The following TLN2 variants were observed in gnomAD, a reference collection of about 807,000 sequenced individuals.
TLN2 encodes the protein talin 2.
A neutral mutation model predicts 294.7 loss-of-function variants in TLN2; 118 were observed. That is an observed-to-expected ratio of 0.40 (90% CI 0.34 to 0.47). The LOEUF (loss-of-function observed/expected upper bound fraction) is 0.47, where lower values mean the gene tolerates loss of function less well. Among genes scored for constraint, TLN2 ranks in the 20% least tolerant of loss-of-function variants. The pLI is 0.84. For missense variants in TLN2, 3,083 were observed against 3,282.2 expected, an observed-to-expected ratio of 0.94 and a Z score of 1.48; for synonymous variants, 1,431 against 1,304.5, an observed-to-expected ratio of 1.10 and a Z score of -2.09.
rs554208366 is a variant in TLN2, at chr15:62,785,161, G to A, written c.5736+1271G>A. Among the ~76,000 whole-genome samples the A allele has an allele frequency of 1.5e-4, 23 of 152,294 alleles. No homozygotes were observed. In the East Asian group the frequency reaches 4.4e-3, roughly 29 times the overall value. Reference sequence around the variant, plus strand: ...ATGAATAATTCTATTTGCAATGAGTGTGAAGTCACTACCAAGAAAAGAGAG... The same window carrying A: ...ATGAATAATTCTATTTGCAATGAGTATGAAGTCACTACCAAGAAAAGAGAG... On this transcript the variant is annotated intron_variant, in intron 45 of 58. Coordinates refer to ENST00000636159, the MANE Select transcript of TLN2 (RefSeq NM_015059.3).
At chr15:62,470,217 C>T (rs2037387809) in intron 1 of TLN2, among the ~76,000 whole-genome samples, 1 of 152,122 alleles carries the variant, frequency 6.6e-6, no homozygotes, top group South Asian at 2.1e-4. Context: ...GTGTTTCCAA[C>T]CTATGGGACC....
intron 7 of TLN2, among the ~76,000 whole-genome samples, chr15:62,655,422 G>A (rs1306357223): frequency 6.6e-6 from 1 of 152,080 alleles, no homozygotes; most frequent in East Asian, 1.9e-4. Context: ...CTTTAGTGTT[G>A]TCTCCGCTAC....
intron 12 of TLN2, 107 bp from the exon 13 acceptor site, chr15:62,692,733 C>T: frequency 1.3e-6 from 1 of 756,174 alleles, no homozygotes; most frequent in Non-Finnish European, 2.2e-6. Flanking sequence ...AGAGGAGGAG[C>T]AGGGAAAATG....
chr15:62,817,424 A>C (rs992282329), intron 52 of TLN2, among the ~76,000 whole-genome samples: 1 of 152,236 alleles, frequency 6.6e-6, no homozygotes, highest in African/African-American at 2.4e-5. Context: ...TGGAATCATC[A>C]TGGAACAGTA....
chr15:62,587,911 C>T (rs1302381361), intron 1 of TLN2, among the ~76,000 whole-genome samples: 1 of 152,094 alleles, frequency 6.6e-6, no homozygotes, highest in Admixed American at 6.6e-5. Flanking sequence ...GACGGAGTCT[C>T]ACTCTGCAGT....
At chr15:62,509,876 T>A (rs1386371431) in intron 1 of TLN2, among the ~76,000 whole-genome samples, 3 of 152,182 alleles carry the variant, frequency 2.0e-5, no homozygotes, top group South Asian at 4.1e-4. Flanking sequence ...CCGGTGGCTT[T>A]GGATTCCGTG....
At chr15:62,763,424 A>T in intron 39 of TLN2, 139 bp from the exon 40 acceptor site, 1 of 1,137,504 alleles carries the variant, frequency 8.8e-7, no homozygotes, top group Non-Finnish European at 1.2e-6. Context: ...GTTGCCAACC[A>T]GGGGTCAGGG....
chr15:62,469,303 A>G (rs2037333383), intron 1 of TLN2, among the ~76,000 whole-genome samples: 1 of 152,228 alleles, frequency 6.6e-6, no homozygotes, highest in Admixed American at 6.5e-5. Flanking sequence ...AACTGTCTAC[A>G]TTGTAGACCA....
At chr15:62,606,486 T>TC (rs1277651358) in intron 2 of TLN2, among the ~76,000 whole-genome samples, 1 of 152,100 alleles carries the variant, frequency 6.6e-6, no homozygotes, top group African/African-American at 2.4e-5. Context: ...GATGATAGAA[T>TC]CCAGCTAGGC....
chr15:62,739,665 G>T, intron 31 of TLN2, 120 bp downstream of exon 31: 1 of 1,246,556 alleles, frequency 8.0e-7, no homozygotes, highest in East Asian at 2.5e-5. Context: ...GGCCATGGTT[G>T]CATTCTTTTT....
At chr15:62,674,544 A>G (rs144545766) in intron 10 of TLN2, among the ~76,000 whole-genome samples, 2 of 146,292 alleles carry the variant, frequency 1.4e-5, no homozygotes, top group East Asian at 4.0e-4. Context: ...GCCAAGACGG[A>G]GTGCAATGGG....
chr15:62,601,164 G>C (rs1187117194), intron 2 of TLN2, among the ~76,000 whole-genome samples: 1 of 152,102 alleles, frequency 6.6e-6, no homozygotes, highest in African/African-American at 2.4e-5. Flanking sequence ...TTCCAGTCTT[G>C]GGATGTTTAG....
chr15:62,443,881 C>T (rs1051289949), intron 1 of TLN2, among the ~76,000 whole-genome samples: 1 of 152,168 alleles, frequency 6.6e-6, no homozygotes, highest in Non-Finnish European at 1.5e-5. Context: ...TGGCTGTAGT[C>T]CTAGCTACTT....
intron 22 of TLN2, among the ~76,000 whole-genome samples, chr15:62,715,726 A>T (rs1421176924): frequency 6.6e-6 from 1 of 152,150 alleles, no homozygotes; most frequent in African/African-American, 2.4e-5. Flanking sequence ...GTACATTTGG[A>T]TACCATCTCG....
intron 54 of TLN2, chr15:62,830,012 T>G (rs566536673): frequency 2.0e-5 from 3 of 152,222 alleles, no homozygotes; most frequent in African/African-American, 7.2e-5. Context: ...TTATCCTGTT[T>G]AATGAAATTG....
chr15:62,536,425 C>G (rs1441168179), intron 1 of TLN2, among the ~76,000 whole-genome samples: 2 of 152,136 alleles, frequency 1.3e-5, no homozygotes, highest in African/African-American at 2.4e-5. Flanking sequence ...TTCTGTGGCA[C>G]CAATTTGGGT....
chr15:62,579,016 G>A (rs1275891215), intron 1 of TLN2, among the ~76,000 whole-genome samples: 1 of 152,178 alleles, frequency 6.6e-6, no homozygotes, highest in Non-Finnish European at 1.5e-5. Context: ...AAAATTTAGA[G>A]AAATGCAAGA....
At chr15:62,453,558 A>C (rs1350598269) in intron 1 of TLN2, 1 of 152,162 alleles carries the variant, frequency 6.6e-6, no homozygotes, top group Non-Finnish European at 1.5e-5. Flanking sequence ...GACTGATTGC[A>C]CCAGCTGCTG....
Position 62,452,633 on chromosome 15 carries a change from C to T in TLN2, c.-238+61948C>T, listed in dbSNP as rs78774591. Among the ~76,000 whole-genome samples the T allele has an allele frequency of 2.1e-4, 32 of 152,290 alleles. 1 individual carries two copies. In the East Asian group the frequency reaches 4.4e-3, roughly 21 times the overall value. On this transcript the variant is annotated intron_variant, in intron 1 of 58. Coordinates refer to ENST00000636159, the MANE Select transcript of TLN2 (RefSeq NM_015059.3). Reference sequence around the variant, plus strand: ...CCTCCAGCCCTTGGCAACCACCAGTCTACTTTGTCTTTGTGATTTTTGACT... The same window carrying T: ...CCTCCAGCCCTTGGCAACCACCAGTTTACTTTGTCTTTGTGATTTTTGACT...
Sources: gnomAD v4.1 joint callset for allele counts (sites outside exome capture counted in the v4.1 genomes callset) on GRCh38, gnomAD v4.1.1 for gene constraint, MANE v1.5 for transcripts, NCBI Gene and HGNC (gene_info 2026-07-23, HGNC 2026-07-21) for gene names.